The following FADS2 variants were observed in gnomAD, a reference collection of about 807,000 sequenced individuals.
The protein encoded by FADS2 is acyl-CoA 6-desaturase.
A neutral mutation model predicts 61.2 loss-of-function variants in FADS2; 18 were observed. The ratio of observed to expected loss-of-function variants is 0.29; its 90% CI spans 0.20 to 0.44. FADS2 has a LOEUF of 0.44. FADS2 is among the 20% of genes least tolerant of loss of function. The pLI is 1.00. For missense variants in FADS2, 322 were observed against 572.7 expected (o/e 0.56, Z 4.47); for synonymous variants, 203 against 223.9 (o/e 0.91, Z 0.83).
intron 7 of FADS2, 104 bp downstream of exon 7, chr11:61,857,634 G>A (rs887089566): frequency 1.0e-6 from 1 of 990,230 alleles, no homozygotes; most frequent in Non-Finnish European, 1.6e-6. Flanking sequence ...TGGAGCCTGT[G>A]GGGCCCCAGG....
chr11:61,830,647 G>A (rs931370376), intron 1 of FADS2, among the ~76,000 whole-genome samples: 5 of 152,168 alleles, frequency 3.3e-5, no homozygotes, highest in African/African-American at 1.2e-4. Flanking sequence ...ACTTTCATAA[G>A]CTAGGGTGGG....
At chr11:61,863,256 C>G (rs758023040) in intron 8 of FADS2, 26 bp from the exon 9 acceptor site, 2 of 1,592,834 alleles carry the variant, frequency 1.3e-6, no homozygotes, top group Non-Finnish European at 1.7e-6. Context: ...CCGGAGGCCC[C>G]TGCGCTGAGC....
rs1368559520 is a variant in FADS2 at position 61,816,981 on chromosome 11, G to C, written c.141+555G>C. 1 of 1,351,728 alleles carries C rather than the reference G, an allele frequency of 7.4e-7. No homozygotes were observed. The highest frequency in any genetic ancestry group is 9.4e-7 in the Non-Finnish European group (1 of 1,058,582). 83.7% of individuals were successfully genotyped at this position (1,351,728 alleles called of 1,614,324 possible). ...GAGATCCCGTCCCCCGGTGGGTCTT[G>C]GGCAACTCACAGCTGGGCTGCCAAC... On this transcript the variant is annotated intron_variant, in intron 1 of 11. Coordinates refer to the FADS2 transcript ENST00000257261. This position sits in a 1 kb window ranked among gnomAD's most constrained non-coding sequence, Gnocchi z 7.0.
intron 4 of FADS2, among the ~76,000 whole-genome samples, chr11:61,844,703 A>G (rs2067242809): frequency 6.6e-6 from 1 of 152,110 alleles, no homozygotes; most frequent in South Asian, 2.1e-4. Context: ...AGGAGGGCAG[A>G]TCACAAGGTC....
chr11:61,824,443 G>A (rs192793035), upstream of FADS2, among the ~76,000 whole-genome samples: 869 of 4,978 alleles, frequency 0.17, 147 homozygotes, highest in East Asian at 0.55. Flanking sequence ...AGGGAGGGAG[G>A]GAGGGAGGGA....
chr11:61,824,433 AGGGAGGGAGG>A (rs1565325170), upstream of FADS2, among the ~76,000 whole-genome samples: 71 of 6,204 alleles, frequency 0.011, 11 homozygotes, highest in Admixed American at 0.023. Flanking sequence ...AGAGAGAGAG[AGGGAGGGAGG>A]GAGGGAGGGA....
At chr11:61,831,882 G>A (rs182507282) in intron 1 of FADS2, among the ~76,000 whole-genome samples, 50 of 152,206 alleles carry the variant, frequency 3.3e-4, no homozygotes, top group Non-Finnish European at 4.6e-4. Context: ...TGGGCAAAAG[G>A]AACCCTCACC....
rs2066987158 is a variant in FADS2 at position 61,816,672 on chromosome 11, T to C, written c.141+246T>C. ...TCACTAGCCACCGCTCCTCGCACCCTGAGCGCTGGGCCACCTCGTCCCAGG... is the reference window on the plus strand; with the variant it reads ...TCACTAGCCACCGCTCCTCGCACCCCGAGCGCTGGGCCACCTCGTCCCAGG... On this transcript the variant is annotated intron_variant, in intron 1 of 11. Coordinates refer to the FADS2 transcript ENST00000257261. This position sits in a 1 kb window ranked among gnomAD's most constrained non-coding sequence, Gnocchi z 7.0. 6.3e-7 allele frequency: 1 copy of C among 1,594,146 alleles called. No homozygotes were observed. Among genetic ancestry groups the C allele is most frequent in the Non-Finnish European group, 8.5e-7 (1 of 1,171,120 alleles).
At chr11:61,853,043 T>A (rs2067320964) in intron 5 of FADS2, among the ~76,000 whole-genome samples, 1 of 152,114 alleles carries the variant, frequency 6.6e-6, no homozygotes, top group Non-Finnish European at 1.5e-5. Flanking sequence ...TAGTCTCGGC[T>A]ACTCTGGAGG....
chr11:61,846,364 G>A (rs1191071475), intron 4 of FADS2, among the ~76,000 whole-genome samples: 2 of 151,360 alleles, frequency 1.3e-5, no homozygotes, highest in East Asian at 1.9e-4. Context: ...TGATCCACAC[G>A]CTTCAGCCTC....
At chr11:61,849,524 G>A (rs753385031) in intron 5 of FADS2, among the ~76,000 whole-genome samples, 1 of 152,020 alleles carries the variant, frequency 6.6e-6, no homozygotes, top group Non-Finnish European at 1.5e-5. Context: ...AGGAGGTTGA[G>A]GCTACAGTGA....
At chr11:61,839,200 C>A (rs1174832534) in intron 2 of FADS2, among the ~76,000 whole-genome samples, 1 of 152,100 alleles carries the variant, frequency 6.6e-6, no homozygotes, top group African/African-American at 2.4e-5. Flanking sequence ...TGCCTCAGCT[C>A]GCCCTCCTGC....
At chr11:61,863,503 G>A (rs2067434722) in intron 9 of FADS2, 125 bp downstream of exon 9, 3 of 822,492 alleles carry the variant, frequency 3.6e-6, no homozygotes, top group Non-Finnish European at 6.0e-6. Context: ...CCTTTTGCTG[G>A]GAGCTTCAGG....
chr11:61,865,743 G>A lies in FADS2; in HGVS notation c.*54G>A, dbSNP rs1172162110. ...AGGGGTGCAGGTGGGGTGATGGCCAGAGGAATGATGGGCTTTTGTTCTGAG... is the reference window on the plus strand; with the variant it reads ...AGGGGTGCAGGTGGGGTGATGGCCAAAGGAATGATGGGCTTTTGTTCTGAG... On this transcript the variant is annotated 3_prime_UTR_variant, in exon 12 of 12. Transcript: ENST00000278840. The surrounding 1 kb of genome is among the most constrained non-coding windows in gnomAD (Gnocchi z 4.1). 2.0e-6 allele frequency: 3 copies of A among 1,480,246 alleles called. No individual in the cohort carries two copies. Among genetic ancestry groups the A allele is most frequent in the Non-Finnish European group, 1.9e-6 (2 of 1,069,452 alleles). 91.7% of individuals were successfully genotyped at this position (1,480,246 alleles called of 1,614,324 possible). A position where few individuals can be genotyped will look rare whatever the true frequency, so the allele number is the denominator to read the frequency against.
rs1433809256 is a variant in FADS2, at chr11:61,867,244, C to T, written c.*1555C>T. 6.6e-6 allele frequency: 1 copy of T among 152,098 alleles called. No homozygotes were observed. The highest frequency in any genetic ancestry group is 1.9e-4 in the East Asian group (1 of 5,168). 9.4% of individuals were successfully genotyped at this position (152,098 alleles called of 1,614,324 possible). A position where few individuals can be genotyped will look rare whatever the true frequency, so the allele number is the denominator to read the frequency against. On this transcript the variant is annotated 3_prime_UTR_variant, in exon 12 of 12. Transcript: ENST00000278840. ...GGCATGCCCCCCAGCTACTGTATGC[C>T]CCCGACCCCCGCAGAGGCAGAATGA...
At chr11:61,835,904 G>A (rs2067170388) in intron 1 of FADS2, among the ~76,000 whole-genome samples, 1 of 152,116 alleles carries the variant, frequency 6.6e-6, no homozygotes, top group Admixed American at 6.5e-5. Flanking sequence ...GGAGAAAAAA[G>A]GAAGAGATGC....
chr11:61,861,482 C>CAA (rs200859636), intron 7 of FADS2, among the ~76,000 whole-genome samples: 2 of 149,460 alleles, frequency 1.3e-5, no homozygotes, highest in Admixed American at 6.7e-5. Flanking sequence ...ATCCCATCTC[C>CAA]AAAAAAAAAT....
At chr11:61,845,486 A>G (rs1036923222) in intron 4 of FADS2, among the ~76,000 whole-genome samples, 4 of 152,146 alleles carry the variant, frequency 2.6e-5, no homozygotes, top group Non-Finnish European at 4.4e-5. Context: ...GCAGGGCTTC[A>G]CCTGGCAAAG....
upstream of FADS2, among the ~76,000 whole-genome samples, chr11:61,823,862 T>C (rs997078684): frequency 1.3e-5 from 2 of 152,186 alleles, no homozygotes; most frequent in Admixed American, 6.5e-5. Context: ...ATTTAAGGCA[T>C]CTAAATTTGA....
Sources: allele counts gnomAD v4.1 joint callset (sites outside exome capture counted in the v4.1 genomes callset), GRCh38; gene constraint gnomAD v4.1.1; non-coding constraint Gnocchi (gnomAD v3.1); transcripts MANE v1.5; gene names NCBI Gene and HGNC (gene_info 2026-07-23, HGNC 2026-07-21).